BEAN1: variants seen among roughly 807,000 people sequenced by gnomAD.
BEAN1 encodes the protein brain expressed associated with NEDD4 1.
A neutral mutation model predicts 17.7 loss-of-function variants in BEAN1; 17 were observed. That is an observed-to-expected ratio of 0.96 (90% confidence interval 0.66 to 1.44). BEAN1 has a LOEUF of 1.44. Ranked by LOEUF, BEAN1 falls within the 40% of genes most tolerant of loss-of-function variation. The pLI is 0.00. For synonymous variants in BEAN1, 142 were observed against 151.8 expected (o/e 0.94, Z 0.47); for missense variants, 359 against 374.1 (o/e 0.96, Z 0.33).
exon 5 of BEAN1, chr16:66,493,385 C>T (rs1172118737): frequency 1.7e-5 from 11 of 637,270 alleles, no homozygotes; most frequent in Middle Eastern, 2.9e-4. Flanking sequence ...GGCTCTGAGC[C>T]CATCTGAGGT....
intron 4 of BEAN1, among the ~76,000 whole-genome samples, chr16:66,480,359 C>T (rs992005063): frequency 1.3e-5 from 2 of 152,176 alleles, no homozygotes; most frequent in Admixed American, 1.3e-4. Context: ...GTTGAGCTCA[C>T]ACCGCATATG....
At position 66,441,238 on chromosome 16, in the gene BEAN1, T is replaced by G. The variant is rs532698827; in HGVS notation, c.25+3537T>G. On this transcript the variant is annotated intron_variant, in intron 2 of 4. Transcript: ENST00000536005. ...GAGTCAAGATGAAGCAAATGCTTTG[T>G]GGACAGCCTCCATGGCTCACAGACC... Among the ~76,000 whole-genome samples, 18 of 152,290 alleles carry G rather than the reference T, an allele frequency of 1.2e-4. No individual in the cohort carries two copies. The South Asian group carries it at 3.1e-3, about 26-fold the overall frequency.
intron 2 of BEAN1, among the ~76,000 whole-genome samples, chr16:66,463,301 C>A (rs1963150136): frequency 6.6e-6 from 1 of 152,192 alleles, no homozygotes; most frequent in Non-Finnish European, 1.5e-5. Context: ...TCCTCACCAA[C>A]ACTTGGCATT....
rs552556083 is a variant in BEAN1 at position 66,473,869 on chromosome 16, G to A, written c.290-3691G>A. On this transcript the variant is annotated intron_variant, in intron 3 of 4. Coordinates refer to ENST00000536005, the MANE Select transcript of BEAN1 (RefSeq NM_001178020.3). The surrounding 1 kb of genome is among the most constrained non-coding windows in gnomAD (Gnocchi z 4.5). ...GCCTCTCTCCCACCCCTCTGGCTGC[G>A]GATTCCTCTCCTCTGTCCCTTTATA... Among the ~76,000 whole-genome samples the A allele has an allele frequency of 6.0e-4, 92 of 152,094 alleles. No individual in the cohort carries two copies. Among genetic ancestry groups the A allele is most frequent in the African/African-American group, 2.0e-3 (85 of 41,468 alleles).
chr16:66,493,213 C>T (rs776824964), exon 5 of BEAN1: 77 of 702,940 alleles, frequency 1.1e-4, no homozygotes, highest in Non-Finnish European at 1.9e-4. Flanking sequence ...CTAGGACCCA[C>T]AGCAGGCACA....
At chr16:66,477,452 G>C in intron 3 of BEAN1, 108 bp from the exon 4 acceptor site, 6 of 1,179,774 alleles carry the variant, frequency 5.1e-6, no homozygotes, top group South Asian at 1.8e-5. Context: ...GAGAGGAGTG[G>C]TCAGGTGGGG....
chr16:66,453,839 T>A (rs1359494867), intron 2 of BEAN1, among the ~76,000 whole-genome samples: 1 of 152,132 alleles, frequency 6.6e-6, no homozygotes, highest in African/African-American at 2.4e-5. Context: ...GTTCAAATGA[T>A]TCTCCTGCCT....
At chr16:66,477,458 T>C in intron 3 of BEAN1, 102 bp from the exon 4 acceptor site, 1 of 1,230,616 alleles carries the variant, frequency 8.1e-7, no homozygotes. Flanking sequence ...AGTGGTCAGG[T>C]GGGGAATCAG....
In BEAN1 at chr16:66,477,653, C is replaced by T. The variant is rs1485056534; in HGVS notation, c.383C>T (p.Ser128Phe). 3.2e-6 allele frequency: 5 copies of T among 1,550,874 alleles called. 1 individual carries two copies. In the Admixed American group the frequency reaches 9.8e-5, roughly 30 times the overall value. Residue 128 changes from serine (S) to phenylalanine (F), a missense_variant, in exon 4 of 5, where the codon TCT becomes TTT. Physicochemically the swap from Ser to Phe is radical, Grantham distance 155. Transcript: ENST00000536005. ...EDWPPPLDIS[S>F]DGDVDATVLR... ...TGGCCCCCACCCTTGGACATCAGCTCTGACGGGGACGTGGATGCCACGGTG... is the reference window on the plus strand; with the variant it reads ...TGGCCCCCACCCTTGGACATCAGCTTTGACGGGGACGTGGATGCCACGGTG...
intron 1 of BEAN1, among the ~76,000 whole-genome samples, chr16:66,433,855 G>C (rs985245685): frequency 1.3e-5 from 2 of 152,214 alleles, no homozygotes; most frequent in African/African-American, 4.8e-5. Flanking sequence ...GGGCCTTCCA[G>C]CTCTGTAAGC....
chr16:66,441,391 C>T (rs1340200294), intron 2 of BEAN1, among the ~76,000 whole-genome samples: 1 of 152,124 alleles, frequency 6.6e-6, no homozygotes, highest in Admixed American at 6.5e-5. Flanking sequence ...GGACACACAC[C>T]CCTGTTTTTA....
In BEAN1 at chr16:66,480,713, C is replaced by T. The variant is rs1447015383; in HGVS notation, c.568C>T (p.Pro190Ser). The change falls in exon 5 of 5, where the codon CCT (proline) becomes TCT (serine). Residue 190 changes from proline (P) to serine (S), a missense_variant. Pro to Ser is a moderately conservative substitution (Grantham distance 74, BLOSUM62 -1). Transcript: ENST00000536005. ...GTSDSGSGHS[P>S]GRHQQEQRTP... ...CTCCGACTCAGGCAGCGGCCACAGC[C>T]CTGGCCGACACCAGCAGGAGCAGAG... The T allele has an allele frequency of 6.4e-7, 1 of 1,551,684 alleles. No homozygotes were observed. The highest frequency in any genetic ancestry group is 8.7e-7 in the Non-Finnish European group (1 of 1,146,972).
intron 2 of BEAN1, among the ~76,000 whole-genome samples, chr16:66,468,313 A>G (rs983807562): frequency 2.0e-5 from 3 of 152,236 alleles, no homozygotes; most frequent in African/African-American, 7.2e-5. Flanking sequence ...ACATGATCAT[A>G]TGTAACAAAT....
chr16:66,490,396 C>CAATAAAATATAAAATAA, intron 4 of BEAN1, among the ~76,000 whole-genome samples: 1 of 67,582 alleles, frequency 1.5e-5, no homozygotes, highest in Middle Eastern at 6.6e-3. Flanking sequence ...GACTCTGTTT[C>CAATAAAATATAAAATAA]AATAAAATAA....
downstream of BEAN1, chr16:66,493,638 G>A: frequency 4.0e-6 from 2 of 497,514 alleles, no homozygotes. Flanking sequence ...GGGTGCAGCA[G>A]GGGGCAGCCC....
chr16:66,480,777 A>T lies in BEAN1; in HGVS notation c.632A>T (p.Asp211Val). The T allele has an allele frequency of 6.4e-7, 1 of 1,550,966 alleles. No individual in the cohort carries two copies. Among genetic ancestry groups the T allele is most frequent in the East Asian group, 2.4e-5 (1 of 40,904 alleles). Reference sequence around the variant, plus strand: ...GGTGGCCTTCACACGGTCTCCATGGACACCCTTCCCCCCTACGAGGCTGTG... The same window carrying T: ...GGTGGCCTTCACACGGTCTCCATGGTCACCCTTCCCCCCTACGAGGCTGTG... ...AQGGLHTVSM[D>V]TLPPYEAVCG... The change falls in exon 5 of 5, where the codon GAC (aspartate) becomes GTC (valine). Residue 211 changes from aspartate (D) to valine (V), a missense_variant. Coordinates refer to ENST00000536005, the MANE Select transcript of BEAN1 (RefSeq NM_001178020.3).
chr16:66,463,874 GA>G (rs1963173051), intron 2 of BEAN1, among the ~76,000 whole-genome samples: 1 of 152,100 alleles, frequency 6.6e-6, no homozygotes, highest in Non-Finnish European at 1.5e-5. Context: ...ACCATTTGTT[GA>G]AAAGACTATT....
intron 1 of BEAN1, among the ~76,000 whole-genome samples, chr16:66,433,057 C>T (rs569517884): frequency 6.6e-6 from 1 of 152,276 alleles, no homozygotes; most frequent in East Asian, 1.9e-4. Flanking sequence ...CTGTCCCCAG[C>T]ACCTAAAACC....
Position 66,469,803 on chromosome 16 carries a change from G to GCCA in BEAN1, c.240_242dup (p.His84dup). 1.3e-6 allele frequency: 2 copies of GCCA among 1,513,934 alleles called. No homozygotes were observed. The highest frequency in any genetic ancestry group is 1.8e-6 in the Non-Finnish European group (2 of 1,128,944). The allele number at this position is 1,513,934 out of a possible 1,614,324, so 93.8% of individuals were successfully genotyped here. ...CAGCGGCACCGCCACCGCCACCACCGCCACCACCACCACCATCATCACCAC... is the reference window on the plus strand; with the variant it reads ...CAGCGGCACCGCCACCGCCACCACCGCCACCACCACCACCACCATCATCACCAC... On this transcript the variant is annotated inframe_insertion, in exon 3 of 5. Coordinates refer to ENST00000536005, the MANE Select transcript of BEAN1 (RefSeq NM_001178020.3).
Sources: gnomAD v4.1 joint callset for allele counts (sites outside exome capture counted in the v4.1 genomes callset) on GRCh38, gnomAD v4.1.1 for gene constraint, Gnocchi (gnomAD v3.1) non-coding constraint, MANE v1.5 for transcripts, NCBI Gene and HGNC (gene_info 2026-07-23, HGNC 2026-07-21) for gene names.